The following ARID5B variants were observed in gnomAD, a reference collection of about 807,000 sequenced individuals.
ARID5B encodes the protein AT-rich interaction domain 5B.
Under a neutral mutation model 97.2 loss-of-function variants are expected in ARID5B, and 13 were observed. The ratio of observed to expected loss-of-function variants is 0.13; its 90% confidence interval spans 0.09 to 0.21. ARID5B has a LOEUF of 0.21. Ranked by LOEUF, ARID5B falls within the 10% of genes least tolerant of loss-of-function variation. The pLI is 1.00. For missense variants in ARID5B, 1,210 were observed against 1,465.3 expected (o/e 0.83, Z 2.84); for synonymous variants, 556 against 570.3 (o/e 0.97, Z 0.36).
At chr10:62,009,451 A>G (rs1223317815) in intron 4 of ARID5B, among the ~76,000 whole-genome samples, 1 of 152,194 alleles carries the variant, frequency 6.6e-6, no homozygotes, top group African/African-American at 2.4e-5. Flanking sequence ...TAGGACATGG[A>G]GCAAGAGGCC....
At chr10:62,016,157 G>A (rs1839281891) in intron 4 of ARID5B, among the ~76,000 whole-genome samples, 1 of 152,206 alleles carries the variant, frequency 6.6e-6, no homozygotes, top group Non-Finnish European at 1.5e-5. Flanking sequence ...CACGGGCCAT[G>A]TGCAGCGCTC....
chr10:61,988,935 A>AC (rs1478548412), intron 3 of ARID5B, among the ~76,000 whole-genome samples: 1 of 62,238 alleles, frequency 1.6e-5, no homozygotes, highest in East Asian at 5.2e-4. Flanking sequence ...TTTTTCTTTT[A>AC]CTTTTTTTTT....
Position 62,091,501 on chromosome 10 carries a change from T to C in ARID5B, c.2038T>C (p.Ser680Pro). The C allele has an allele frequency of 6.2e-7, 1 of 1,613,590 alleles. No homozygotes were observed. Among genetic ancestry groups the C allele is most frequent in the Non-Finnish European group, 8.5e-7 (1 of 1,179,826 alleles). ...ACTTAATTACACGCCCCTGCTCTAC[T>C]CTAGGGGCAACCCAGGCATCATGTC... ...HGLNYTPLLYSRGNPGIMSPL... is the reference protein window; with the variant it reads ...HGLNYTPLLYPRGNPGIMSPL... Residue 680 changes from serine to proline, a missense_variant, in exon 10 of 10, where the codon TCT becomes CCT. By Grantham distance (74) the Ser-to-Pro change is moderately conservative. This residue lies in a region of ARID5B where 800 missense variants were observed against 839.1 expected (regional missense o/e 0.95). Transcript: ENST00000279873.
At chr10:61,926,850 T>G (rs1480874737) in intron 2 of ARID5B, among the ~76,000 whole-genome samples, 1 of 152,120 alleles carries the variant, frequency 6.6e-6, no homozygotes, top group African/African-American at 2.4e-5. Context: ...GGTCTTGATC[T>G]CCTGACCTCG....
rs1843626019 is a variant in ARID5B at position 61,902,102 on chromosome 10, G to T, written c.22-57G>T. ...CTGTGTGTAAATGTGTCTGGGAATAGATGTTTGTGCTCTGATGGCTACATT... is the reference window on the plus strand; with the variant it reads ...CTGTGTGTAAATGTGTCTGGGAATATATGTTTGTGCTCTGATGGCTACATT... On this transcript the variant is annotated intron_variant, in intron 1 of 9. Coordinates refer to ENST00000279873, the MANE Select transcript of ARID5B (RefSeq NM_032199.3). The T allele has an allele frequency of 2.5e-6, 4 of 1,597,446 alleles. No homozygotes were observed. The African/African-American group carries it at 4.0e-5, about 16-fold the overall frequency.
chr10:62,015,170 A>T (rs1564628026), intron 4 of ARID5B, among the ~76,000 whole-genome samples: 1 of 152,226 alleles, frequency 6.6e-6, no homozygotes, highest in Non-Finnish European at 1.5e-5. Flanking sequence ...CCACTTAATG[A>T]AGTGTTAGTA....
intron 3 of ARID5B, among the ~76,000 whole-genome samples, chr10:61,974,229 G>T (rs568096582): frequency 6.6e-6 from 1 of 152,160 alleles, no homozygotes; most frequent in African/African-American, 2.4e-5. Flanking sequence ...TACAAATAAC[G>T]CAAAGTGATT....
intron 7 of ARID5B, among the ~76,000 whole-genome samples, chr10:62,061,276 G>A (rs757516003): frequency 3.4e-4 from 52 of 152,298 alleles, no homozygotes; most frequent in Non-Finnish European, 5.3e-4. Context: ...ATGGCTCTGA[G>A]GCCATTTGGG....
At chr10:62,011,763 A>G (rs1423976995) in intron 4 of ARID5B, among the ~76,000 whole-genome samples, 1 of 152,252 alleles carries the variant, frequency 6.6e-6, no homozygotes, top group Admixed American at 6.5e-5. Flanking sequence ...GAAACTGGTC[A>G]GGTGAGTCTG....
intron 8 of ARID5B, among the ~76,000 whole-genome samples, chr10:62,072,206 A>G (rs554024158): frequency 5.3e-5 from 8 of 152,326 alleles, no homozygotes; most frequent in Admixed American, 5.2e-4. Flanking sequence ...GCTGGGCTGA[A>G]ACCTGAGGAG....
intron 3 of ARID5B, among the ~76,000 whole-genome samples, chr10:61,985,849 G>A (rs1052980692): frequency 1.3e-5 from 2 of 152,022 alleles, no homozygotes; most frequent in East Asian, 1.9e-4. Context: ...TTTCTAAGGG[G>A]TTAAAAGTAA....
At chr10:61,952,137 A>G (rs1180688454) in intron 3 of ARID5B, among the ~76,000 whole-genome samples, 1 of 152,108 alleles carries the variant, frequency 6.6e-6, no homozygotes, top group Admixed American at 6.6e-5. Context: ...GCCCTAGCCT[A>G]ACTAGTCTAA....
chr10:61,962,479 C>T (rs1363219618), intron 3 of ARID5B, among the ~76,000 whole-genome samples: 2 of 152,154 alleles, frequency 1.3e-5, no homozygotes, highest in African/African-American at 2.4e-5. Context: ...TCTACGGGCA[C>T]GTTGGTAGTC....
At chr10:61,979,118 G>A (rs1012705628) in intron 3 of ARID5B, among the ~76,000 whole-genome samples, 3 of 152,154 alleles carry the variant, frequency 2.0e-5, no homozygotes, top group Non-Finnish European at 2.9e-5. Context: ...CGGGAGACCC[G>A]AGTACACATG....
At chr10:62,023,157 T>C (rs184660359) in intron 4 of ARID5B, among the ~76,000 whole-genome samples, 9 of 152,338 alleles carry the variant, frequency 5.9e-5, no homozygotes. Context: ...ACAATTCTTA[T>C]CTGTTCATTA....
intron 2 of ARID5B, among the ~76,000 whole-genome samples, chr10:61,906,023 G>A (rs1265136288): frequency 6.6e-6 from 1 of 152,106 alleles, no homozygotes; most frequent in Non-Finnish European, 1.5e-5. Context: ...GCTTAATCTT[G>A]AACAACCATA....
chr10:62,094,308 CT>C lies in ARID5B; in HGVS notation c.*1282del. 8.6e-6 allele frequency: 2 copies of C among 231,314 alleles called. No homozygotes were observed. Among genetic ancestry groups the C allele is most frequent in the East Asian group, 1.2e-4 (2 of 16,308 alleles). The allele number at this position is 231,314 out of a possible 1,614,324, so 14.3% of individuals were successfully genotyped here. ...TCCTGATAGCTTCTCTAGCCTCGGT[CT>C]TTTGAGTGATAAGTAGTCATGTTGT... is the stretch of plus-strand genomic sequence containing the variant. On this transcript the variant is annotated 3_prime_UTR_variant, in exon 10 of 10. Transcript: ENST00000279873.
chr10:61,947,532 A>C (rs866121915), intron 3 of ARID5B, among the ~76,000 whole-genome samples: 46 of 148,288 alleles, frequency 3.1e-4, no homozygotes, highest in African/African-American at 1.1e-3. Context: ...GGCCTCCCAA[A>C]GTGCTGGGAT....
intron 3 of ARID5B, among the ~76,000 whole-genome samples, chr10:61,994,007 G>A (rs897749441): frequency 6.6e-6 from 1 of 151,802 alleles, no homozygotes; most frequent in Non-Finnish European, 1.5e-5. Flanking sequence ...ACTGTATGTT[G>A]TCTTTGAAGC....
Sources: allele counts gnomAD v4.1 joint callset (sites outside exome capture counted in the v4.1 genomes callset), GRCh38; gene constraint gnomAD v4.1.1; regional missense constraint gnomAD v4.1.1; transcripts MANE v1.5; gene names NCBI Gene and HGNC (gene_info 2026-07-23, HGNC 2026-07-21).